The following RBM6 variants were observed in gnomAD, a reference collection of about 807,000 sequenced individuals.
The protein encoded by RBM6 is RNA-binding protein 6.
In RBM6, 23 loss-of-function variants were observed where a neutral mutation model predicts 140.4. The ratio of observed to expected loss-of-function variants is 0.16; its 90% CI spans 0.12 to 0.23. The LOEUF is 0.23. RBM6 is among the 10% of genes least tolerant of loss of function. RBM6 has a pLI of 1.00. For synonymous variants in RBM6, 439 were observed against 475.6 expected, an observed-to-expected ratio of 0.92 and a Z score of 1.00; for missense variants, 1,139 against 1,386.7, an observed-to-expected ratio of 0.82 and a Z score of 2.84.
Position 49,943,480 on chromosome 3 carries a change from A to G in RBM6, c.-67+3255A>G, listed in dbSNP as rs536804790. Among the ~76,000 whole-genome samples the G allele has an allele frequency of 2.0e-5, 3 of 151,374 alleles. No individual in the cohort carries two copies. In the East Asian group the frequency reaches 5.8e-4, roughly 29 times the overall value. ...CACAACCAGCTAATTTTTTTGTTTA[A>G]TTTTTATTTTTTGTGATGAAGTCTT... On this transcript the variant is annotated intron_variant, in intron 1 of 20. Transcript: ENST00000266022.
chr3:50,007,584 G>A (rs948459029), intron 6 of RBM6, among the ~76,000 whole-genome samples: 1 of 151,646 alleles, frequency 6.6e-6, no homozygotes, highest in Non-Finnish European at 1.5e-5. Context: ...CCAGGTTGGA[G>A]TGCGGTGGCG....
intron 6 of RBM6, among the ~76,000 whole-genome samples, chr3:50,036,522 T>TAA (rs1046849149): frequency 6.9e-6 from 1 of 145,690 alleles, no homozygotes; most frequent in African/African-American, 2.5e-5. Flanking sequence ...TATCTGCTGT[T>TAA]AAAAAAAAAA....
Position 49,968,331 on chromosome 3 carries a change from T to C in RBM6, c.906T>C (p.Asp302=). ...ATTACATTCAGCCCTCTACACAAGATAGAGAACATTCTGGTATGAATGTGA... is the reference window on the plus strand; with the variant it reads ...ATTACATTCAGCCCTCTACACAAGACAGAGAACATTCTGGTATGAATGTGA... ...ILDYIQPSTQ[D]REHSGMNVNR... The change falls in exon 3 of 21, where the codon GAT becomes GAC. Residue 302 remains aspartate, a synonymous_variant. Coordinates refer to ENST00000266022, the MANE Select transcript of RBM6 (RefSeq NM_005777.3). 6.2e-7 allele frequency: 1 copy of C among 1,614,034 alleles called. No homozygotes were observed. Among genetic ancestry groups the C allele is most frequent in the South Asian group, 1.1e-5 (1 of 91,080 alleles).
chr3:49,940,924 TG>T, intron 1 of RBM6: 1 of 127,186 alleles, frequency 7.9e-6, no homozygotes. Flanking sequence ...GGAAGGGCCC[TG>T]TTTCGTAGGG....
In RBM6 at chr3:50,028,790, G is replaced by A. The variant is rs917027562; in HGVS notation, c.1558-19455G>A. Among the ~76,000 whole-genome samples, 11 of 152,186 alleles carry A rather than the reference G, an allele frequency of 7.2e-5. No homozygotes were observed. In the East Asian group the frequency reaches 1.3e-3, roughly 19 times the overall value. Reference sequence around the variant, plus strand: ...ATGAGCTAAATAAATACATATTTGTGAATTGGGTTAACACATATTGCATAA... The same window carrying A: ...ATGAGCTAAATAAATACATATTTGTAAATTGGGTTAACACATATTGCATAA... On this transcript the variant is annotated intron_variant, in intron 6 of 20. Coordinates refer to ENST00000266022, the MANE Select transcript of RBM6 (RefSeq NM_005777.3).
intron 2 of RBM6, among the ~76,000 whole-genome samples, chr3:49,965,641 G>T (rs1260420709): frequency 6.6e-6 from 1 of 151,660 alleles, no homozygotes; most frequent in Non-Finnish European, 1.5e-5. Flanking sequence ...CTGCACTCCA[G>T]CCTGGGCGAC....
At chr3:49,947,625 T>A (rs560155202) in intron 1 of RBM6, among the ~76,000 whole-genome samples, 78 of 152,320 alleles carry the variant, frequency 5.1e-4, no homozygotes, top group Middle Eastern at 3.4e-3. Context: ...CTTCTTTTTT[T>A]AAAATCTGTG....
At chr3:49,950,157 G>A (rs531951223) in intron 1 of RBM6, among the ~76,000 whole-genome samples, 15 of 152,192 alleles carry the variant, frequency 9.9e-5, no homozygotes, top group Admixed American at 3.9e-4. Flanking sequence ...GTGGGTAGGC[G>A]GTCAGAGTAA....
chr3:50,024,306 G>A (rs2087675987), intron 6 of RBM6, among the ~76,000 whole-genome samples: 1 of 152,032 alleles, frequency 6.6e-6, no homozygotes, highest in Non-Finnish European at 1.5e-5. Flanking sequence ...ATATCATGTC[G>A]TAAGTGTATT....
chr3:50,067,342 G>A (rs1433627257), intron 17 of RBM6, among the ~76,000 whole-genome samples: 2 of 152,126 alleles, frequency 1.3e-5, no homozygotes, highest in Non-Finnish European at 2.9e-5. Flanking sequence ...TCCATGTATA[G>A]GCCGAAGCCA....
chr3:50,012,520 G>A (rs1266387680), intron 6 of RBM6, among the ~76,000 whole-genome samples: 1 of 151,562 alleles, frequency 6.6e-6, no homozygotes, highest in Non-Finnish European at 1.5e-5. Context: ...ACCACGCCCG[G>A]CTAAGTTTTT....
At chr3:49,945,388 A>T (rs2108567253) in intron 1 of RBM6, among the ~76,000 whole-genome samples, 1 of 152,046 alleles carries the variant, frequency 6.6e-6, no homozygotes, top group Non-Finnish European at 1.5e-5. Context: ...TAGGTTGCCC[A>T]GGCTTTATGT....
chr3:50,068,422 A>G (rs569553693), intron 17 of RBM6, among the ~76,000 whole-genome samples: 2 of 152,340 alleles, frequency 1.3e-5, no homozygotes, highest in East Asian at 1.9e-4. Context: ...CCTCTGTCCC[A>G]TGATTTTCAA....
intron 1 of RBM6, among the ~76,000 whole-genome samples, chr3:49,942,620 T>C (rs958595991): frequency 6.8e-6 from 1 of 147,878 alleles, no homozygotes; most frequent in Non-Finnish European, 1.5e-5. Flanking sequence ...AGGGAGGGCA[T>C]GGTGGCTCAC....
At chr3:49,947,081 C>CA (rs1186088231) in intron 1 of RBM6, among the ~76,000 whole-genome samples, 328 of 105,998 alleles carry the variant, frequency 3.1e-3, no homozygotes, top group South Asian at 0.01. Flanking sequence ...ACTAAAAATA[C>CA]AAAAAAAAAA....
At chr3:50,037,418 G>A (rs1326798614) in intron 6 of RBM6, among the ~76,000 whole-genome samples, 1 of 152,058 alleles carries the variant, frequency 6.6e-6, no homozygotes, top group Admixed American at 6.6e-5. Context: ...AAAAAGCAGG[G>A]GGGCATAGTC....
chr3:49,957,176 G>A (rs1279867803), intron 1 of RBM6, among the ~76,000 whole-genome samples: 6 of 152,030 alleles, frequency 3.9e-5, no homozygotes, highest in Non-Finnish European at 8.8e-5. Context: ...TAGAGATGGG[G>A]TCTTGCTATA....
chr3:50,004,428 A>G (rs1279820297), intron 6 of RBM6, among the ~76,000 whole-genome samples: 2 of 145,110 alleles, frequency 1.4e-5, no homozygotes, highest in African/African-American at 2.6e-5. Flanking sequence ...GATCCTCCCA[A>G]CTCAGTTCTC....
At chr3:50,051,419 A>G (rs1254363009) in intron 7 of RBM6, among the ~76,000 whole-genome samples, 1 of 152,210 alleles carries the variant, frequency 6.6e-6, no homozygotes, top group Non-Finnish European at 1.5e-5. Context: ...AGGCAGGCGG[A>G]TCATCTGAGG....
Sources: allele counts gnomAD v4.1 joint callset (sites outside exome capture counted in the v4.1 genomes callset), GRCh38; gene constraint gnomAD v4.1.1; transcripts MANE v1.5; gene names NCBI Gene and HGNC (gene_info 2026-07-23, HGNC 2026-07-21).